Variants in MSH4 observed in about 807,000 individuals in gnomAD.
The protein encoded by MSH4 is mutS protein homolog 4.
In MSH4, 106 loss-of-function variants were observed where a neutral mutation model predicts 113.7. The observed-to-expected ratio is 0.93, with a 90% CI of 0.80 to 1.10. MSH4 has a LOEUF of 1.10. MSH4 is among the 50% of genes least tolerant of loss of function. The probability of loss-of-function intolerance (pLI) is 0.00; values close to 1 mark genes in which losing one functional copy is unlikely to be tolerated. For synonymous variants in MSH4, 368 were observed against 380.2 expected, an observed-to-expected ratio of 0.97 and a Z score of 0.37; for missense variants, 1,061 against 1,093.7, an observed-to-expected ratio of 0.97 and a Z score of 0.42.
At chr1:75,863,890 A>G (rs753123765) in intron 8 of MSH4, among the ~76,000 whole-genome samples, 2 of 152,208 alleles carry the variant, frequency 1.3e-5, no homozygotes, top group Non-Finnish European at 2.9e-5. Context: ...TGTACAAAAT[A>G]AAAATGTAAT....
chr1:75,835,225 T>C (rs1287830088), intron 7 of MSH4, among the ~76,000 whole-genome samples: 1 of 152,186 alleles, frequency 6.6e-6, no homozygotes, highest in Non-Finnish European at 1.5e-5. Context: ...TACCTTTAAT[T>C]AGCGTAATTC....
At chr1:75,807,943 T>G (rs887442776) in intron 3 of MSH4, among the ~76,000 whole-genome samples, 5 of 152,208 alleles carry the variant, frequency 3.3e-5, no homozygotes, top group African/African-American at 7.2e-5. Context: ...GACAGACTCT[T>G]CTGCTGCTGC....
At chr1:75,868,452 A>T (rs1170603580) in intron 9 of MSH4, among the ~76,000 whole-genome samples, 1 of 152,228 alleles carries the variant, frequency 6.6e-6, no homozygotes, top group African/African-American at 2.4e-5. Flanking sequence ...TTTCTCATTA[A>T]CTTTTAAATA....
At chr1:75,911,878 A>G (rs1238469228) in intron 19 of MSH4, among the ~76,000 whole-genome samples, 2 of 152,194 alleles carry the variant, frequency 1.3e-5, no homozygotes, top group East Asian at 3.9e-4. Context: ...AGGGAAACTC[A>G]CTAAGACTTT....
At chr1:75,889,941 T>C (rs886992398) in intron 16 of MSH4, among the ~76,000 whole-genome samples, 1 of 152,114 alleles carries the variant, frequency 6.6e-6, no homozygotes, top group African/African-American at 2.4e-5. Context: ...ACTAAAGTTA[T>C]CATTTGTCCC....
In MSH4 at chr1:75,893,764, G is replaced by A. The variant is rs575405308; in HGVS notation, c.2355+2940G>A. Among the ~76,000 whole-genome samples the A allele has an allele frequency of 2.0e-5, 3 of 152,332 alleles. No homozygotes were observed. The East Asian group carries it at 5.8e-4, about 29-fold the overall frequency. Reference sequence around the variant, plus strand: ...GAACATGCATGGGAATGTATTCTAAGGGTGTGGGATAAGGGTGGAAGGAAC... The same window carrying A: ...GAACATGCATGGGAATGTATTCTAAAGGTGTGGGATAAGGGTGGAAGGAAC... On this transcript the variant is annotated intron_variant, in intron 17 of 19. Coordinates refer to ENST00000263187, the MANE Select transcript of MSH4 (RefSeq NM_002440.4).
chr1:75,862,010 C>T (rs1235727993), intron 8 of MSH4, among the ~76,000 whole-genome samples: 1 of 152,106 alleles, frequency 6.6e-6, no homozygotes, highest in Non-Finnish European at 1.5e-5. Flanking sequence ...CGCCCCTCCC[C>T]CTGCCAAGCT....
intron 1 of MSH4, among the ~76,000 whole-genome samples, 177 bp downstream of exon 1, chr1:75,797,406 T>C (rs1224395229): frequency 6.6e-6 from 1 of 152,124 alleles, no homozygotes; most frequent in Non-Finnish European, 1.5e-5. Flanking sequence ...ACTTTTCAAA[T>C]TGGTTCTATT....
intron 13 of MSH4, 53 bp from the exon 14 acceptor site, chr1:75,881,193 G>T: frequency 7.1e-7 from 1 of 1,401,794 alleles, no homozygotes. Flanking sequence ...CGATTACAAT[G>T]TATGTCCCTT....
intron 6 of MSH4, 112 bp from the exon 7 acceptor site, chr1:75,822,297 A>AG (rs1650437093): frequency 1.4e-6 from 1 of 703,474 alleles, no homozygotes; most frequent in Non-Finnish European, 2.2e-6. Flanking sequence ...TCAAAAAAAA[A>AG]AAAAAAAAAG....
At chr1:75,798,034 C>T (rs1239108099) in intron 1 of MSH4, among the ~76,000 whole-genome samples, 1 of 152,208 alleles carries the variant, frequency 6.6e-6, no homozygotes, top group Non-Finnish European at 1.5e-5. Flanking sequence ...ATTTTTCACA[C>T]ACGATTGCAA....
At chr1:75,813,131 G>A (rs1207824898) in intron 4 of MSH4, among the ~76,000 whole-genome samples, 1 of 152,070 alleles carries the variant, frequency 6.6e-6, no homozygotes, top group African/African-American at 2.4e-5. Flanking sequence ...TAACCCAGAG[G>A]GAAAATAATT....
At chr1:75,824,944 A>C in intron 7 of MSH4, among the ~76,000 whole-genome samples, 1 of 123,884 alleles carries the variant, frequency 8.1e-6, no homozygotes, top group African/African-American at 3.2e-5. Context: ...TGGCTATATG[A>C]TCTCTTTTTT....
chr1:75,859,289 T>C (rs1044698700), intron 8 of MSH4, among the ~76,000 whole-genome samples: 4 of 152,322 alleles, frequency 2.6e-5, no homozygotes, highest in Non-Finnish European at 2.9e-5. Flanking sequence ...TTTAGTTATT[T>C]CTTATCTTCT....
rs1650263594 is a variant in MSH4 at position 75,814,860 on chromosome 1, T to A, written c.700-161T>A. 2.6e-5 allele frequency among the ~76,000 whole-genome samples: 4 copies of A among 152,318 alleles called. No individual in the cohort carries two copies. The South Asian group carries it at 8.3e-4, about 32-fold the overall frequency. On this transcript the variant is annotated intron_variant, in intron 4 of 19. Coordinates refer to ENST00000263187, the MANE Select transcript of MSH4 (RefSeq NM_002440.4). ...ACTACTATAATTCACTTAGCAAGAA[T>A]AATCATTCTTTTTATAGAAATAACT...
intron 9 of MSH4, among the ~76,000 whole-genome samples, chr1:75,870,232 T>C (rs986124817): frequency 2.6e-5 from 4 of 152,228 alleles, no homozygotes; most frequent in Non-Finnish European, 5.9e-5. Context: ...ACCCAATGCC[T>C]GTACCCCAAT....
At chr1:75,853,499 A>C (rs1012664627) in intron 8 of MSH4, among the ~76,000 whole-genome samples, 1 of 152,124 alleles carries the variant, frequency 6.6e-6, no homozygotes, top group African/African-American at 2.4e-5. Context: ...ATAAGTTTGT[A>C]TACTTGGTTG....
At chr1:75,872,788 GA>G (rs1651742991) in intron 9 of MSH4, among the ~76,000 whole-genome samples, 2 of 152,196 alleles carry the variant, frequency 1.3e-5, no homozygotes, top group Non-Finnish European at 2.9e-5. Context: ...AATTTTTAAA[GA>G]TTTATAGTGA....
chr1:75,894,426 T>G (rs1448316400), intron 17 of MSH4, among the ~76,000 whole-genome samples: 1 of 152,220 alleles, frequency 6.6e-6, no homozygotes, highest in Non-Finnish European at 1.5e-5. Flanking sequence ...GAGCCTGCAG[T>G]CACCAAGACT....
Sources: gnomAD v4.1 joint callset for allele counts (sites outside exome capture counted in the v4.1 genomes callset) on GRCh38, gnomAD v4.1.1 for gene constraint, MANE v1.5 for transcripts, NCBI Gene and HGNC (gene_info 2026-07-23, HGNC 2026-07-21) for gene names.